The following BANK1 variants were observed in gnomAD, a reference collection of about 807,000 sequenced individuals.
The protein encoded by BANK1 is B cell scaffold protein with ankyrin repeats 1, also known as B-cell scaffold protein with ankyrin repeats.
In BANK1, 95 loss-of-function variants were observed where a neutral mutation model predicts 94.5. The observed-to-expected ratio is 1.00, with a 90% CI of 0.85 to 1.19. The LOEUF (loss-of-function observed/expected upper bound fraction) is 1.19, where lower values mean the gene tolerates loss of function less well. Ranked by LOEUF, BANK1 falls within the 50% of genes most tolerant of loss-of-function variation. BANK1 has a pLI of 0.00. For missense variants in BANK1, 987 were observed against 932.2 expected, an observed-to-expected ratio of 1.06 and a Z score of -0.77; for synonymous variants, 334 against 308.4, an observed-to-expected ratio of 1.08 and a Z score of -0.87.
At chr4:102,025,161 G>T in intron 8 of BANK1, 40 bp from the exon 9 acceptor site, 1 of 1,588,720 alleles carries the variant, frequency 6.3e-7, no homozygotes, top group Non-Finnish European at 8.6e-7. Flanking sequence ...CCTTCAGATG[G>T]TGTGTTTAAA....
At chr4:101,995,460 C>T (rs1465420320) in intron 7 of BANK1, among the ~76,000 whole-genome samples, 1 of 152,102 alleles carries the variant, frequency 6.6e-6, no homozygotes, top group Non-Finnish European at 1.5e-5. Context: ...GGTATATACC[C>T]AGTAATGGGA....
intron 7 of BANK1, among the ~76,000 whole-genome samples, chr4:101,979,864 A>G (rs1192087649): frequency 1.3e-5 from 2 of 151,870 alleles, no homozygotes; most frequent in Non-Finnish European, 2.9e-5. Context: ...GCCATTTTTT[A>G]TGGGAGTAAA....
At chr4:101,792,456 TG>T (rs1439230413) in intron 1 of BANK1, among the ~76,000 whole-genome samples, 6 of 100,360 alleles carry the variant, frequency 6.0e-5, no homozygotes, top group African/African-American at 1.8e-4. Flanking sequence ...TGTGTGTGTG[TG>T]TGTGTGTGTG....
In BANK1 at chr4:101,934,273, C is replaced by T. The variant is rs1723454923; in HGVS notation, c.1206+16084C>T. Among the ~76,000 whole-genome samples, 4 of 151,320 alleles carry T rather than the reference C, an allele frequency of 2.6e-5. No homozygotes were observed. The South Asian group carries it at 8.3e-4, about 31-fold the overall frequency. On this transcript the variant is annotated intron_variant, in intron 7 of 16. Transcript: ENST00000322953. ...TTTTTTTTAAAAGACTGCAGTCCTA[C>T]AACTTACTTGTTTGAAATGAGCCTC...
intron 7 of BANK1, among the ~76,000 whole-genome samples, chr4:101,927,086 C>T (rs112140768): frequency 5.9e-5 from 9 of 151,782 alleles, no homozygotes; most frequent in Admixed American, 1.3e-4. Flanking sequence ...AAAGAATTGC[C>T]GGAAACTGGG....
chr4:102,001,344 G>T (rs1309740652), intron 7 of BANK1, among the ~76,000 whole-genome samples: 2 of 152,202 alleles, frequency 1.3e-5, no homozygotes, highest in African/African-American at 4.8e-5. Flanking sequence ...GCTCACGACT[G>T]TAATCCCAGT....
intron 7 of BANK1, among the ~76,000 whole-genome samples, chr4:101,986,899 G>GTGTGTATATATATATA (rs1343197093): frequency 2.4e-5 from 2 of 82,670 alleles, no homozygotes; most frequent in African/African-American, 1.3e-4. Context: ...GTGTGTGTGT[G>GTGTGTATATATATATA]TATATATATA....
intron 13 of BANK1, 22 bp from the exon 14 acceptor site, chr4:102,071,253 C>G: frequency 1.9e-6 from 3 of 1,612,258 alleles, no homozygotes; most frequent in Non-Finnish European, 2.5e-6. Flanking sequence ...CTCAGTAGAA[C>G]ATGCTTTTTT....
intron 1 of BANK1, among the ~76,000 whole-genome samples, chr4:101,796,780 C>T (rs952752018): frequency 2.0e-5 from 3 of 152,058 alleles, no homozygotes; most frequent in African/African-American, 7.2e-5. Flanking sequence ...TTATAGCATA[C>T]TGTTTCTGGC....
At chr4:101,942,962 AATAAGGGTATATT>A (rs1723804569) in intron 7 of BANK1, among the ~76,000 whole-genome samples, 1 of 151,888 alleles carries the variant, frequency 6.6e-6, no homozygotes, top group African/African-American at 2.4e-5. Context: ...AAGTATTGTT[AATAAGGGTATATT>A]ATCAGAACAC....
At chr4:102,022,555 T>C (rs533580570) in intron 8 of BANK1, among the ~76,000 whole-genome samples, 4 of 152,280 alleles carry the variant, frequency 2.6e-5, no homozygotes, top group South Asian at 4.1e-4. Flanking sequence ...AGCTTGGCAA[T>C]GAACGGAAAT....
chr4:101,992,887 A>G (rs1725753322), intron 7 of BANK1, among the ~76,000 whole-genome samples: 1 of 152,170 alleles, frequency 6.6e-6, no homozygotes, highest in Non-Finnish European at 1.5e-5. Flanking sequence ...ACAATGGTGA[A>G]CCAACTATCT....
At chr4:101,912,308 A>G (rs1257882669) in intron 6 of BANK1, among the ~76,000 whole-genome samples, 1 of 152,100 alleles carries the variant, frequency 6.6e-6, no homozygotes, top group Non-Finnish European at 1.5e-5. Flanking sequence ...CCATTACCAA[A>G]TAGTTATTTT....
intron 1 of BANK1, among the ~76,000 whole-genome samples, chr4:101,793,311 T>A (rs1256051577): frequency 6.6e-6 from 1 of 152,184 alleles, no homozygotes; most frequent in Non-Finnish European, 1.5e-5. Flanking sequence ...CGTCCTACAC[T>A]TGTTCCACTA....
At chr4:101,846,597 A>G (rs1727255408) in intron 2 of BANK1, among the ~76,000 whole-genome samples, 1 of 152,250 alleles carries the variant, frequency 6.6e-6, no homozygotes. Flanking sequence ...CAGGAAACTT[A>G]AAATCATGGT....
chr4:101,792,343 C>A (rs1725018504), intron 1 of BANK1, among the ~76,000 whole-genome samples: 1 of 141,754 alleles, frequency 7.1e-6, no homozygotes, highest in Admixed American at 7.6e-5. Flanking sequence ...TTCTGGCCAA[C>A]ATAATGAAAC....
intron 10 of BANK1, among the ~76,000 whole-genome samples, chr4:102,032,801 CT>C (rs1727364420): frequency 1.3e-4 from 19 of 151,968 alleles, no homozygotes; most frequent in Admixed American, 1.2e-3. Flanking sequence ...AGGAGAATAG[CT>C]TGAACCCAGG....
intron 7 of BANK1, among the ~76,000 whole-genome samples, chr4:101,988,179 C>T (rs186653216): frequency 5.3e-5 from 8 of 152,204 alleles, no homozygotes; most frequent in South Asian, 4.1e-4. Context: ...TTATGTTTAA[C>T]GAAAATAGTT....
intron 6 of BANK1, among the ~76,000 whole-genome samples, chr4:101,906,467 C>T (rs1722453685): frequency 6.6e-6 from 1 of 152,130 alleles, no homozygotes; most frequent in South Asian, 2.1e-4. Flanking sequence ...ACTGGGGCAA[C>T]CACTTTTTGC....
Sources: allele counts gnomAD v4.1 joint callset (sites outside exome capture counted in the v4.1 genomes callset), GRCh38; gene constraint gnomAD v4.1.1; transcripts MANE v1.5; gene names NCBI Gene and HGNC (gene_info 2026-07-23, HGNC 2026-07-21).